The following DMD variants were observed in gnomAD, a reference collection of about 807,000 sequenced individuals.
DMD encodes the protein mutant dystrophin.
DMD carries 63 observed loss-of-function variants against 330.1 expected under a neutral mutation model. The ratio of observed to expected loss-of-function variants is 0.19; its 90% CI spans 0.16 to 0.24. The LOEUF (loss-of-function observed/expected upper bound fraction) is 0.24, where lower values mean the gene tolerates loss of function less well. Ranked by LOEUF, DMD falls within the 10% of genes least tolerant of loss-of-function variation. DMD has a pLI of 1.00. For synonymous variants in DMD, 1,223 were observed against 959.8 expected (o/e 1.27, Z -5.07); for missense variants, 3,344 against 2,684.1 (o/e 1.25, Z -5.43).
intron 47 of DMD, among the ~76,000 whole-genome samples, chrX:31,904,892 AGACAAC>A (rs2094461042): frequency 1.8e-5 from 2 of 112,256 alleles, no homozygotes; most frequent in African/African-American, 6.5e-5. Context: ...ATGCAGCAAT[AGACAAC>A]TAATACATAA....
At chrX:32,531,115 A>G (rs1247257201) in intron 17 of DMD, among the ~76,000 whole-genome samples, 1 of 111,596 alleles carries the variant, frequency 9.0e-6, no homozygotes, top group East Asian at 2.8e-4. Context: ...TTACTTACAC[A>G]GAAATATAAA....
chrX:31,476,397 GTATATATATATA>G (rs373498710), intron 59 of DMD, among the ~76,000 whole-genome samples: 15 of 88,335 alleles, frequency 1.7e-4, no homozygotes, highest in Non-Finnish European at 1.3e-4. Context: ...GTGTGTGTGT[GTATATATATATA>G]TATATATATA....
At chrX:32,513,312 C>T (rs1203291467) in intron 18 of DMD, among the ~76,000 whole-genome samples, 1 of 112,149 alleles carries the variant, frequency 8.9e-6, no homozygotes, top group Non-Finnish European at 1.9e-5. Flanking sequence ...ACAGACATAA[C>T]AAGATCATAC....
intron 63 of DMD, among the ~76,000 whole-genome samples, chrX:31,230,266 T>C (rs917039190): frequency 1.8e-5 from 2 of 112,232 alleles, no homozygotes; most frequent in Non-Finnish European, 1.9e-5. Context: ...GTACAGTCTG[T>C]GAATTTATAA....
At chrX:32,484,322 G>C (rs1166737391) in intron 21 of DMD, among the ~76,000 whole-genome samples, 3 of 112,081 alleles carry the variant, frequency 2.7e-5, no homozygotes, top group Non-Finnish European at 5.6e-5. Flanking sequence ...AATTCAGGAA[G>C]AGACAAAAGA....
intron 60 of DMD, among the ~76,000 whole-genome samples, chrX:31,372,544 A>G (rs1023568772): frequency 8.9e-6 from 1 of 112,269 alleles, no homozygotes; most frequent in Non-Finnish European, 1.9e-5. Flanking sequence ...TTTTGAAGTT[A>G]AACACTGTTC....
At chrX:31,848,926 G>A (rs2093473197) in intron 48 of DMD, among the ~76,000 whole-genome samples, 1 of 110,472 alleles carries the variant, frequency 9.1e-6, no homozygotes, top group South Asian at 3.8e-4. Flanking sequence ...CAAGTCAGAG[G>A]CAAATTAATA....
intron 48 of DMD, among the ~76,000 whole-genome samples, chrX:31,849,159 A>G (rs915439441): frequency 2.2e-4 from 24 of 110,381 alleles, no homozygotes; most frequent in Non-Finnish European, 3.8e-4. Flanking sequence ...TTAAGAATAT[A>G]TATCTCAAAG....
rs187554167 is a variant in DMD at position 33,206,610 on chromosome X, G to A, written c.31+4672C>T. Among the ~76,000 whole-genome samples the A allele has an allele frequency of 2.5e-3, 282 of 111,716 alleles. 1 individual carries two copies. The Middle Eastern group carries it at 0.032, about 13-fold the overall frequency. ...GGCTTACTATCATTACATATACTAC[G>A]CAAAGTCACCTTCAGAGGTTGTAGG... On this transcript the variant is annotated intron_variant, in intron 1 of 78. Transcript: ENST00000357033.
chrX:32,348,560 A>C lies in DMD; in HGVS notation c.5326-32T>G, dbSNP rs1297412813. The C allele has an allele frequency of 2.6e-6, 3 of 1,155,919 alleles. No homozygotes were observed. The South Asian group carries it at 5.7e-5, about 22-fold the overall frequency. On this transcript the variant is annotated intron_variant, in intron 37 of 78. Transcript: ENST00000357033. ...AAAAAGATAGTGCTACTTTAAATCA[A>C]AATTACTTTTTATTAGAAACATAAA... is the stretch of plus-strand genomic sequence containing the variant.
intron 21 of DMD, among the ~76,000 whole-genome samples, chrX:32,475,063 C>A (rs2041085618): frequency 9.0e-6 from 1 of 111,178 alleles, no homozygotes; most frequent in Non-Finnish European, 1.9e-5. Flanking sequence ...CAATTTCAGT[C>A]TCCCACATGT....
intron 7 of DMD, among the ~76,000 whole-genome samples, chrX:32,780,825 A>G (rs965122128): frequency 2.6e-4 from 29 of 110,681 alleles, no homozygotes; most frequent in Non-Finnish European, 4.9e-4. Flanking sequence ...TTTGTTGTAC[A>G]TTAAAAAACA....
At chrX:32,644,941 T>C in intron 10 of DMD, 23 bp downstream of exon 10, 2 of 1,204,276 alleles carry the variant, frequency 1.7e-6, no homozygotes, top group Non-Finnish European at 2.3e-6. Context: ...TGTTTTGTTT[T>C]GTAAATTAAC....
Position 31,478,315 on chromosome X carries a change from C to T in DMD, c.8728G>A (p.Glu2910Lys), listed in dbSNP as rs1377163339. Reference protein sequence around the residue: ...VTRLLRKQAEEVNTEWEKLNL... With the variant: ...VTRLLRKQAEKVNTEWEKLNL... ...AATTTTTCCCACTCAGTATTGACCT[C>T]CTCAGCCTGCTTTCGTAGAAGCCGA... Residue 2910 changes from glutamate (E) to lysine (K), a missense_variant, in exon 59 of 79, where the codon GAG (glutamate) becomes AAG (lysine). Coordinates refer to ENST00000357033, the MANE Select transcript of DMD (RefSeq NM_004006.3). The T allele has an allele frequency of 1.7e-6, 2 of 1,209,590 alleles. No individual in the cohort carries two copies. Among genetic ancestry groups the T allele is most frequent in the African/African-American group, 3.5e-5 (2 of 57,049 alleles).
intron 52 of DMD, among the ~76,000 whole-genome samples, chrX:31,721,716 C>CTATATATATA (rs1411207828): frequency 7.5e-5 from 4 of 53,428 alleles, no homozygotes; most frequent in Admixed American, 3.3e-4. Context: ...CTCTCTCTCT[C>CTATATATATA]TCTATATATA....
At chrX:31,749,293 C>T (rs1235793274) in intron 51 of DMD, among the ~76,000 whole-genome samples, 1 of 72,593 alleles carries the variant, frequency 1.4e-5, no homozygotes, top group Non-Finnish European at 2.5e-5. Flanking sequence ...TCCCTCCCCC[C>T]TCCCCCCACC....
chrX:33,021,590 A>G (rs921168233), intron 1 of DMD, among the ~76,000 whole-genome samples: 4 of 111,590 alleles, frequency 3.6e-5, no homozygotes, highest in African/African-American at 1.3e-4. Flanking sequence ...ACTTTCGCAT[A>G]ACAAATATAT....
At chrX:32,828,100 G>T (rs1414152196) in intron 4 of DMD, among the ~76,000 whole-genome samples, 1 of 111,511 alleles carries the variant, frequency 9.0e-6, no homozygotes, top group Non-Finnish European at 1.9e-5. Flanking sequence ...TGTATATGTA[G>T]CATATTTTCT....
intron 6 of DMD, among the ~76,000 whole-genome samples, chrX:32,815,516 T>TACACACACACACACAC (rs1231062329): frequency 1.1e-4 from 5 of 47,335 alleles, no homozygotes; most frequent in African/African-American, 3.7e-4. Flanking sequence ...TATATATATA[T>TACACACACACACACAC]ATATACACAC....
Sources: allele counts gnomAD v4.1 joint callset (sites outside exome capture counted in the v4.1 genomes callset), GRCh38; gene constraint gnomAD v4.1.1; transcripts MANE v1.5; gene names NCBI Gene and HGNC (gene_info 2026-07-23, HGNC 2026-07-21).